The following ALKBH8 variants were observed in gnomAD, a reference collection of about 807,000 sequenced individuals.
ALKBH8 encodes the protein alkB homolog 8, tRNA methyltransferase, also known as tRNA (carboxymethyluridine(34)-5-O)-methyltransferase ALKBH8.
Under a neutral mutation model 59.8 loss-of-function variants are expected in ALKBH8, and 36 were observed. The observed-to-expected ratio is 0.60, with a 90% CI of 0.46 to 0.79. ALKBH8 has a LOEUF of 0.79. Among genes scored for constraint, ALKBH8 ranks in the 30% least tolerant of loss-of-function variants. The probability of loss-of-function intolerance (pLI) is 0.00; values close to 1 mark genes in which losing one functional copy is unlikely to be tolerated. For synonymous variants in ALKBH8, 276 were observed against 273.6 expected (o/e 1.01, Z -0.09); for missense variants, 768 against 801.0 (o/e 0.96, Z 0.50).
chr11:107,556,747 GAT>G lies in ALKBH8; in HGVS notation c.367+17_367+18del. The stretch of plus-strand genomic sequence containing the variant: ...CACCCAGAAGAATCATTTTTTAAAA[GAT>G]AATTGTATGATAATACCTTTTTCCA... On this transcript the variant is annotated intron_variant, in intron 3 of 11. Transcript: ENST00000428149. 7.6e-7 allele frequency: 1 copy of G among 1,307,900 alleles called. No homozygotes were observed. Among genetic ancestry groups the G allele is most frequent in the Non-Finnish European group, 9.9e-7 (1 of 1,012,734 alleles). 81.0% of individuals were successfully genotyped at this position (1,307,900 alleles called of 1,614,324 possible).
chr11:107,506,223 A>T (rs1164735159), intron 11 of ALKBH8, among the ~76,000 whole-genome samples: 1 of 152,190 alleles, frequency 6.6e-6, no homozygotes, highest in Non-Finnish European at 1.5e-5. Context: ...AATCATCCCC[A>T]ATAAAGCATA....
At chr11:107,538,754 G>A (rs1863921930) in intron 7 of ALKBH8, among the ~76,000 whole-genome samples, 2 of 152,186 alleles carry the variant, frequency 1.3e-5, no homozygotes, top group Non-Finnish European at 2.9e-5. Flanking sequence ...GGCTAAATAG[G>A]ATAAAGAAGA....
intron 3 of ALKBH8, among the ~76,000 whole-genome samples, chr11:107,555,246 C>T (rs1864659305): frequency 6.6e-6 from 1 of 151,926 alleles, no homozygotes; most frequent in South Asian, 2.1e-4. Flanking sequence ...GGTGAAAGAG[C>T]AGGACTCTGT....
chr11:107,527,473 C>A (rs1863402463), intron 8 of ALKBH8, among the ~76,000 whole-genome samples: 1 of 151,886 alleles, frequency 6.6e-6, no homozygotes, highest in South Asian at 2.1e-4. Flanking sequence ...TAATGTATTT[C>A]AATTCTCAAC....
At chr11:107,529,227 C>T (rs965052993) in intron 8 of ALKBH8, among the ~76,000 whole-genome samples, 3 of 152,142 alleles carry the variant, frequency 2.0e-5, no homozygotes, top group African/African-American at 7.2e-5. Flanking sequence ...AAACTTCCCA[C>T]TATGATTGTG....
At chr11:107,519,191 C>T (rs1483369775) in intron 10 of ALKBH8, among the ~76,000 whole-genome samples, 12 of 152,056 alleles carry the variant, frequency 7.9e-5, no homozygotes, top group African/African-American at 1.2e-4. Context: ...CTGCAACCTC[C>T]GCCTCCCAGG....
At chr11:107,565,466 C>T in intron 1 of ALKBH8, 135 bp downstream of exon 1, 1 of 1,241,950 alleles carries the variant, frequency 8.1e-7, no homozygotes, top group Non-Finnish European at 1.1e-6. Context: ...GCACCAAGGG[C>T]GCCTCTGGGA....
At chr11:107,532,273 A>C in intron 8 of ALKBH8, 27 bp downstream of exon 8, 1 of 1,579,378 alleles carries the variant, frequency 6.3e-7, no homozygotes, top group South Asian at 1.1e-5. Flanking sequence ...ATAAAGAAAA[A>C]GAATCCTGTC....
At chr11:107,522,219 A>C in intron 10 of ALKBH8, 80 bp downstream of exon 10, 4 of 1,444,318 alleles carry the variant, frequency 2.8e-6, no homozygotes, top group Non-Finnish European at 3.7e-6. Context: ...CTAAAAAAAC[A>C]GGATTATATC....
chr11:107,523,001 C>T (rs1015463253), intron 9 of ALKBH8, among the ~76,000 whole-genome samples: 3 of 151,836 alleles, frequency 2.0e-5, no homozygotes, highest in East Asian at 1.9e-4. Context: ...AATCCCCTCT[C>T]GTATCAAGAG....
At chr11:107,565,434 C>T (rs1865092254) in intron 1 of ALKBH8, 167 bp downstream of exon 1, 2 of 871,530 alleles carry the variant, frequency 2.3e-6, no homozygotes, top group Admixed American at 5.2e-5. Flanking sequence ...CCACCCAACG[C>T]AGACACCCTA....
At position 107,553,011 on chromosome 11, in the gene ALKBH8, A is replaced by G. The variant is rs1175202243; in HGVS notation, c.595+97T>C. On this transcript the variant is annotated intron_variant, in intron 5 of 11. Coordinates refer to ENST00000428149, the MANE Select transcript of ALKBH8 (RefSeq NM_138775.3). ...AATAAACTGTTCAGAAAGTTTATCT[A>G]CAAATGACAAAAGAAACATAATCCC... 4 of 721,662 alleles carry G rather than the reference A, an allele frequency of 5.5e-6. No individual in the cohort carries two copies. The African/African-American group carries it at 5.6e-5, about 10-fold the overall frequency. The allele number at this position is 721,662 out of a possible 1,614,324, so 44.7% of individuals were successfully genotyped here.
chr11:107,539,324 G>C (rs1047089705), intron 7 of ALKBH8, among the ~76,000 whole-genome samples: 1 of 152,208 alleles, frequency 6.6e-6, no homozygotes, highest in Non-Finnish European at 1.5e-5. Context: ...CACTGGCTAG[G>C]TGTGGTGGCT....
intron 11 of ALKBH8, among the ~76,000 whole-genome samples, chr11:107,508,146 T>G (rs1451123222): frequency 6.6e-6 from 1 of 151,574 alleles, no homozygotes; most frequent in Non-Finnish European, 1.5e-5. Flanking sequence ...ATTTGCTTAA[T>G]AGCAGTGTGT....
chr11:107,506,686 C>T (rs750698451), intron 11 of ALKBH8, among the ~76,000 whole-genome samples: 10 of 151,916 alleles, frequency 6.6e-5, no homozygotes, highest in Admixed American at 2.0e-4. Context: ...CAGTGTCAAT[C>T]GAGAATTTAA....
chr11:107,531,907 A>G (rs766883459), intron 8 of ALKBH8, among the ~76,000 whole-genome samples: 12 of 152,248 alleles, frequency 7.9e-5, no homozygotes, highest in Non-Finnish European at 1.6e-4. Flanking sequence ...AATCCCTGAC[A>G]TACACAATGT....
At chr11:107,553,075 G>T (rs1299398679) in intron 5 of ALKBH8, 33 bp downstream of exon 5, 1 of 1,333,194 alleles carries the variant, frequency 7.5e-7, no homozygotes, top group Non-Finnish European at 1.0e-6. Context: ...ATATTTTTGA[G>T]CCAGAATTTA....
chr11:107,547,019 GA>G (rs1864287857), intron 7 of ALKBH8, among the ~76,000 whole-genome samples: 1 of 152,120 alleles, frequency 6.6e-6, no homozygotes, highest in Non-Finnish European at 1.5e-5. Context: ...GGGAAAGAGA[GA>G]AAAGTAAAGT....
At chr11:107,534,749 T>C (rs1319005127) in intron 7 of ALKBH8, among the ~76,000 whole-genome samples, 1 of 112,818 alleles carries the variant, frequency 8.9e-6, no homozygotes, top group Admixed American at 1.0e-4. Context: ...AAATTGACCA[T>C]TCCTCATCTT....
Sources: allele counts gnomAD v4.1 joint callset (sites outside exome capture counted in the v4.1 genomes callset), GRCh38; gene constraint gnomAD v4.1.1; transcripts MANE v1.5; gene names NCBI Gene and HGNC (gene_info 2026-07-23, HGNC 2026-07-21).